PRKCE: variants seen among roughly 807,000 people sequenced by gnomAD.
PRKCE encodes the protein protein kinase C epsilon, also known as protein kinase C epsilon type.
A neutral mutation model predicts 85.4 loss-of-function variants in PRKCE; 16 were observed. The observed-to-expected ratio is 0.19, with a 90% confidence interval of 0.13 to 0.28. The LOEUF (loss-of-function observed/expected upper bound fraction) is 0.28. Ranked by LOEUF, PRKCE falls within the 10% of genes least tolerant of loss-of-function variation. The pLI is 1.00. For synonymous variants in PRKCE, 388 were observed against 371.5 expected (o/e 1.04, Z -0.51); for missense variants, 573 against 975.2 (o/e 0.59, Z 5.49).
At chr2:45,695,222 T>TCC (rs1678046548) in intron 1 of PRKCE, among the ~76,000 whole-genome samples, 1 of 152,176 alleles carries the variant, frequency 6.6e-6, no homozygotes, top group Non-Finnish European at 1.5e-5. Context: ...TTTGGTCTCT[T>TCC]CCCCTTAGCC....
chr2:45,751,252 A>G (rs765970707), intron 1 of PRKCE, among the ~76,000 whole-genome samples: 1 of 152,224 alleles, frequency 6.6e-6, no homozygotes, highest in Non-Finnish European at 1.5e-5. Flanking sequence ...ATTGACTGAC[A>G]TGATACATGA....
intron 11 of PRKCE, among the ~76,000 whole-genome samples, chr2:46,144,276 C>A (rs370976899): frequency 6.6e-5 from 10 of 152,290 alleles, no homozygotes; most frequent in East Asian, 3.9e-4. Flanking sequence ...GACCTTTCCC[C>A]CACCCAGCCT....
intron 10 of PRKCE, among the ~76,000 whole-genome samples, chr2:46,070,293 T>C (rs115505290): frequency 0.019 from 2,866 of 151,924 alleles, 50 homozygotes; most frequent in African/African-American, 0.045. Flanking sequence ...GTGTGGACCC[T>C]CAATACACAT....
intron 1 of PRKCE, among the ~76,000 whole-genome samples, chr2:45,779,502 C>T (rs1686015479): frequency 6.6e-6 from 1 of 151,760 alleles, no homozygotes; most frequent in South Asian, 2.1e-4. Context: ...AGGTTGAGAG[C>T]TCCAGGGAGT....
In PRKCE at chr2:46,126,757, A is replaced by C. The variant is rs574965873; in HGVS notation, c.1593-18336A>C. Among the ~76,000 whole-genome samples, 166 of 152,196 alleles carry C rather than the reference A, an allele frequency of 1.1e-3. 1 individual carries two copies. The highest frequency in any genetic ancestry group is 2.9e-3 in the South Asian group (14 of 4,822). Reference sequence around the variant, plus strand: ...GTGAATTTCCTCCTCCCTTCCCTTGAGCAGTCCCATGGGAGGGTGAATGCT... The same window carrying C: ...GTGAATTTCCTCCTCCCTTCCCTTGCGCAGTCCCATGGGAGGGTGAATGCT... On this transcript the variant is annotated intron_variant, in intron 11 of 14. Transcript: ENST00000306156.
intron 1 of PRKCE, among the ~76,000 whole-genome samples, chr2:45,747,476 C>G (rs935880192): frequency 2.6e-5 from 4 of 152,202 alleles, no homozygotes; most frequent in African/African-American, 9.6e-5. Context: ...CCTTTTGTGA[C>G]TGGCTTGTTT....
chr2:45,856,725 C>G (rs551419548), intron 2 of PRKCE, among the ~76,000 whole-genome samples: 239 of 152,312 alleles, frequency 1.6e-3, no homozygotes, highest in Middle Eastern at 3.4e-3. Context: ...TTTCCCCAGC[C>G]TCTGGTAGCC....
Position 45,910,316 on chromosome 2 carries a change from T to C in PRKCE, c.413-66113T>C, listed in dbSNP as rs1016573678. Among the ~76,000 whole-genome samples the C allele has an allele frequency of 1.1e-4, 17 of 152,224 alleles. No homozygotes were observed. In the East Asian group the frequency reaches 2.9e-3, roughly 26 times the overall value. On this transcript the variant is annotated intron_variant, in intron 2 of 14. Coordinates refer to ENST00000306156, the MANE Select transcript of PRKCE (RefSeq NM_005400.3). ...TGCAGAGTTCCAGACTAGGAGTAAC[T>C]GGGAAATGGAAGGAGGAGGTGGTGA...
chr2:46,155,375 G>A lies in PRKCE; in HGVS notation c.1920+4146G>A, dbSNP rs1013020124. On this transcript the variant is annotated intron_variant, in intron 13 of 14. Coordinates refer to ENST00000306156, the MANE Select transcript of PRKCE (RefSeq NM_005400.3). The surrounding 1 kb of genome is among the most constrained non-coding windows in gnomAD (Gnocchi z 4.7). Reference sequence around the variant, plus strand: ...TGGTGTCACTCGCGGGCCCCTGTTCGGCTCCTTCATGAATGGATTCTGGTC... The same window carrying A: ...TGGTGTCACTCGCGGGCCCCTGTTCAGCTCCTTCATGAATGGATTCTGGTC... Among the ~76,000 whole-genome samples the A allele has an allele frequency of 4.6e-5, 7 of 152,110 alleles. No individual in the cohort carries two copies. Among genetic ancestry groups the A allele is most frequent in the South Asian group, 4.2e-4 (2 of 4,814 alleles).
chr2:46,056,294 A>G (rs1666577363), intron 10 of PRKCE, among the ~76,000 whole-genome samples: 1 of 147,312 alleles, frequency 6.8e-6, no homozygotes, highest in Admixed American at 6.8e-5. Context: ...TCAGTTTCAG[A>G]TCTCTCTCCT....
intron 1 of PRKCE, among the ~76,000 whole-genome samples, chr2:45,724,635 T>C (rs1165461959): frequency 1.3e-5 from 2 of 152,202 alleles, no homozygotes; most frequent in East Asian, 3.8e-4. Flanking sequence ...AAATTAAAAG[T>C]ATTGCTCCAG....
intron 2 of PRKCE, among the ~76,000 whole-genome samples, chr2:45,883,002 C>T (rs775447776): frequency 1.3e-4 from 20 of 152,212 alleles, no homozygotes; most frequent in Non-Finnish European, 2.2e-4. Context: ...CAATGAGTGG[C>T]GACGGCCAGT....
chr2:46,051,363 C>G (rs1445187863), intron 10 of PRKCE, among the ~76,000 whole-genome samples: 1 of 152,162 alleles, frequency 6.6e-6, no homozygotes, highest in East Asian at 1.9e-4. Context: ...TGATCTGTGA[C>G]TGTGAAGGTG....
At chr2:45,923,761 G>C (rs892950681) in intron 2 of PRKCE, among the ~76,000 whole-genome samples, 2 of 152,202 alleles carry the variant, frequency 1.3e-5, no homozygotes, top group Admixed American at 6.5e-5. Context: ...GGCTCCCTGG[G>C]GAGGGGGCTG....
Position 45,826,688 on chromosome 2 carries a change from T to A in PRKCE, c.349-16312T>A, listed in dbSNP as rs542100665. Among the ~76,000 whole-genome samples the A allele has an allele frequency of 5.3e-5, 8 of 152,240 alleles. No homozygotes were observed. The East Asian group carries it at 1.4e-3, about 26-fold the overall frequency. Reference sequence around the variant, plus strand: ...CATGGCCAGTGCAAACCTGCTCCTGTTCACCCCACCCACCCTGTTCTGATC... The same window carrying A: ...CATGGCCAGTGCAAACCTGCTCCTGATCACCCCACCCACCCTGTTCTGATC... On this transcript the variant is annotated intron_variant, in intron 1 of 14. Coordinates refer to ENST00000306156, the MANE Select transcript of PRKCE (RefSeq NM_005400.3).
intron 1 of PRKCE, among the ~76,000 whole-genome samples, chr2:45,662,934 C>T (rs1267651865): frequency 6.6e-6 from 1 of 152,198 alleles, no homozygotes; most frequent in Non-Finnish European, 1.5e-5. Context: ...ATCTCCCTGC[C>T]TTCTGCACTG....
intron 1 of PRKCE, among the ~76,000 whole-genome samples, chr2:45,825,158 G>A (rs1167214685): frequency 1.3e-5 from 2 of 152,196 alleles, no homozygotes; most frequent in African/African-American, 4.8e-5. Flanking sequence ...TCTTTGCCTG[G>A]CCTTGGTTCT....
chr2:45,903,793 C>G (rs1696745487), intron 2 of PRKCE, among the ~76,000 whole-genome samples: 1 of 152,144 alleles, frequency 6.6e-6, no homozygotes, highest in African/African-American at 2.4e-5. Context: ...TGGGTTAATA[C>G]ATCCTCAAAC....
chr2:45,747,954 G>T (rs1166890149), intron 1 of PRKCE, among the ~76,000 whole-genome samples: 1 of 151,888 alleles, frequency 6.6e-6, no homozygotes. Flanking sequence ...GTGCTTACTG[G>T]CCACCTGTAT....
Sources: allele counts gnomAD v4.1 joint callset (sites outside exome capture counted in the v4.1 genomes callset), GRCh38; gene constraint gnomAD v4.1.1; non-coding constraint Gnocchi (gnomAD v3.1); transcripts MANE v1.5; gene names NCBI Gene and HGNC (gene_info 2026-07-23, HGNC 2026-07-21).